Variants in RALYL observed in about 807,000 individuals in gnomAD.
The protein encoded by RALYL is RALY RNA binding protein like.
A neutral mutation model predicts 35.1 loss-of-function variants in RALYL; 29 were observed. The observed-to-expected ratio is 0.83, with a 90% CI of 0.61 to 1.13. The LOEUF (loss-of-function observed/expected upper bound fraction) is 1.13, where lower values mean the gene tolerates loss of function less well. Among genes scored for constraint, RALYL ranks in the 50% most tolerant of loss-of-function variants. The pLI, the probability that RALYL is intolerant of heterozygous loss-of-function variation, is 0.00. For missense variants in RALYL, 359 were observed against 360.4 expected (o/e 1.00, Z 0.03); for synonymous variants, 120 against 127.6 (o/e 0.94, Z 0.40).
At chr8:84,679,047 TA>T in intron 2 of RALYL, 2 of 342,682 alleles carry the variant, frequency 5.8e-6, no homozygotes, top group Non-Finnish European at 1.2e-5. Context: ...TGGCTGCAAA[TA>T]AGCAAATGCT....
At chr8:84,703,579 A>G (rs1366536934) in intron 2 of RALYL, among the ~76,000 whole-genome samples, 3 of 152,190 alleles carry the variant, frequency 2.0e-5, no homozygotes, top group Non-Finnish European at 4.4e-5. Flanking sequence ...TTAATTATAC[A>G]TAATGGAGAA....
intron 2 of RALYL, among the ~76,000 whole-genome samples, chr8:84,725,085 T>C (rs1844686927): frequency 6.6e-6 from 1 of 151,660 alleles, no homozygotes; most frequent in Admixed American, 6.6e-5. Flanking sequence ...TTAATGAATA[T>C]TGTATAATTT....
At chr8:84,838,019 T>C (rs1328547374) in intron 4 of RALYL, among the ~76,000 whole-genome samples, 1 of 152,128 alleles carries the variant, frequency 6.6e-6, no homozygotes, top group Non-Finnish European at 1.5e-5. Context: ...TACTAAACTA[T>C]TAAAGTGAGA....
chr8:84,202,546 G>T (rs1185840218), intron 1 of RALYL, among the ~76,000 whole-genome samples: 1 of 151,740 alleles, frequency 6.6e-6, no homozygotes, highest in Non-Finnish European at 1.5e-5. Context: ...TAATTTTTTT[G>T]TATTTTTAGT....
intron 4 of RALYL, among the ~76,000 whole-genome samples, chr8:84,816,060 A>G (rs534325936): frequency 2.6e-5 from 4 of 151,636 alleles, no homozygotes; most frequent in East Asian, 1.9e-4. Flanking sequence ...AAAGAAAAAA[A>G]GAAAAGAAAG....
chr8:84,735,005 TTGTGTGTGTGTGTG>T (rs3068131), intron 2 of RALYL, among the ~76,000 whole-genome samples: 61 of 146,666 alleles, frequency 4.2e-4, no homozygotes, highest in Non-Finnish European at 5.6e-4. Context: ...ATAGATATGT[TTGTGTGTGTGTGTG>T]TGTGTGTGTG....
chr8:84,403,111 T>G (rs368690154), intron 1 of RALYL, among the ~76,000 whole-genome samples: 24 of 152,280 alleles, frequency 1.6e-4, no homozygotes, highest in Admixed American at 7.2e-4. Flanking sequence ...TTCTGTGGGT[T>G]GCCTATTCAT....
intron 1 of RALYL, among the ~76,000 whole-genome samples, chr8:84,209,366 C>T (rs748268464): frequency 1.3e-5 from 2 of 152,000 alleles, no homozygotes; most frequent in African/African-American, 4.8e-5. Context: ...TTTGATGTGC[C>T]GTAAAAAACA....
At chr8:84,636,128 TCTTA>T (rs1192902622) in intron 2 of RALYL, among the ~76,000 whole-genome samples, 2 of 151,806 alleles carry the variant, frequency 1.3e-5, no homozygotes, top group African/African-American at 4.8e-5. Flanking sequence ...TCTGCTCCTT[TCTTA>T]CTTATCAGAA....
intron 2 of RALYL, among the ~76,000 whole-genome samples, chr8:84,742,856 G>T (rs953120337): frequency 6.6e-6 from 1 of 151,988 alleles, no homozygotes; most frequent in Admixed American, 6.6e-5. Flanking sequence ...TTTAAATCAA[G>T]AAAGGATAGT....
At chr8:84,745,465 G>T (rs756001626) in intron 2 of RALYL, among the ~76,000 whole-genome samples, 1 of 151,878 alleles carries the variant, frequency 6.6e-6, no homozygotes, top group Non-Finnish European at 1.5e-5. Flanking sequence ...TGATTTTTAG[G>T]CATACATATG....
At chr8:84,694,695 C>T (rs1482558005) in intron 2 of RALYL, among the ~76,000 whole-genome samples, 3 of 151,798 alleles carry the variant, frequency 2.0e-5, no homozygotes, top group Non-Finnish European at 4.4e-5. Flanking sequence ...TTTTACCTAA[C>T]TTTAAAATAT....
At chr8:84,550,879 G>A (rs911117979) in intron 2 of RALYL, among the ~76,000 whole-genome samples, 1 of 151,838 alleles carries the variant, frequency 6.6e-6, no homozygotes, top group South Asian at 2.1e-4. Context: ...AACAGAAATT[G>A]TTGTTTCAAT....
intron 2 of RALYL, among the ~76,000 whole-genome samples, chr8:84,641,255 A>G (rs1478435547): frequency 2.0e-5 from 3 of 151,714 alleles, no homozygotes; most frequent in Admixed American, 1.3e-4. Flanking sequence ...CAAATTATAT[A>G]AAAGTATTCT....
chr8:84,887,855 G>A, intron 8 of RALYL, 79 bp downstream of exon 8: 1 of 1,301,948 alleles, frequency 7.7e-7, no homozygotes. Context: ...TCTAAAATAA[G>A]GATTAAATCA....
At chr8:84,867,917 G>C (rs112388994) in intron 6 of RALYL, among the ~76,000 whole-genome samples, 1 of 152,130 alleles carries the variant, frequency 6.6e-6, no homozygotes, top group South Asian at 2.1e-4. Context: ...ATATCTGGTC[G>C]GGGGCAGGGG....
chr8:84,216,075 G>C (rs1250986149), intron 1 of RALYL, among the ~76,000 whole-genome samples: 2 of 152,084 alleles, frequency 1.3e-5, no homozygotes, highest in Non-Finnish European at 2.9e-5. Context: ...TAAGGCACAT[G>C]ACCTCTTTTC....
chr8:84,238,582 T>TA (rs1827134540), intron 1 of RALYL, among the ~76,000 whole-genome samples: 1 of 152,174 alleles, frequency 6.6e-6, no homozygotes, highest in Admixed American at 6.5e-5. Context: ...TATTTTATTA[T>TA]GTCTTGAAAT....
chr8:84,377,300 T>C (rs1315005021), intron 1 of RALYL, among the ~76,000 whole-genome samples: 2 of 151,688 alleles, frequency 1.3e-5, no homozygotes, highest in Non-Finnish European at 2.9e-5. Flanking sequence ...ATTTATGGAT[T>C]TTGTGGCCCT....
Sources: gnomAD v4.1 joint callset for allele counts (sites outside exome capture counted in the v4.1 genomes callset) on GRCh38, gnomAD v4.1.1 for gene constraint, MANE v1.5 for transcripts, NCBI Gene and HGNC (gene_info 2026-07-23, HGNC 2026-07-21) for gene names.